Variants in SAMD5 observed in about 807,000 individuals in gnomAD.
The protein encoded by SAMD5 is sterile alpha motif domain-containing protein 5.
SAMD5 carries 13 observed loss-of-function variants against 11.3 expected under a neutral mutation model. That is an observed-to-expected ratio of 1.15 (90% confidence interval 0.75 to 1.83). The LOEUF (loss-of-function observed/expected upper bound fraction) is 1.83. SAMD5 is among the 40% of genes most tolerant of loss of function. The pLI is 0.00. For missense variants in SAMD5, 255 were observed against 239.1 expected (o/e 1.07, Z -0.44); for synonymous variants, 129 against 111.3 (o/e 1.16, Z -1.00).
intron 1 of SAMD5, among the ~76,000 whole-genome samples, chr6:147,716,058 G>A (rs147447547): frequency 0.013 from 2,038 of 152,238 alleles, 26 homozygotes; most frequent in Middle Eastern, 0.037. Flanking sequence ...TTGAAGCAGA[G>A]CTTCATCAAG....
the SAMD5 span, among the ~76,000 whole-genome samples, chr6:147,848,983 T>C: frequency 4.6e-5 from 7 of 152,152 alleles, no homozygotes; most frequent in Admixed American, 3.3e-4. Flanking sequence ...GGAAATACTT[T>C]AGGCTTTGCA....
At chr6:147,907,442 G>A in the SAMD5 span, among the ~76,000 whole-genome samples, 1 of 115,366 alleles carries the variant, frequency 8.7e-6, no homozygotes, top group Non-Finnish European at 1.8e-5. Flanking sequence ...TTGCAGTTTT[G>A]CCATTACTTA....
chr6:147,675,829 A>G (rs1228705618), intron 1 of SAMD5, among the ~76,000 whole-genome samples: 1 of 152,208 alleles, frequency 6.6e-6, no homozygotes, highest in Admixed American at 6.5e-5. Flanking sequence ...AGCTGCAGCA[A>G]ATCACTGAAG....
chr6:147,825,942 T>C, the SAMD5 span, among the ~76,000 whole-genome samples: 1 of 152,238 alleles, frequency 6.6e-6, no homozygotes, highest in African/African-American at 2.4e-5. Flanking sequence ...TAATCCCACC[T>C]GTGTTTCCTG....
the SAMD5 span, among the ~76,000 whole-genome samples, chr6:147,745,567 T>C: frequency 6.6e-6 from 1 of 152,136 alleles, no homozygotes; most frequent in Non-Finnish European, 1.5e-5. Context: ...ATCAGACAAA[T>C]CTGCTCCTGA....
chr6:147,673,223 T>A (rs1456344091), intron 1 of SAMD5, among the ~76,000 whole-genome samples: 1 of 152,184 alleles, frequency 6.6e-6, no homozygotes, highest in Non-Finnish European at 1.5e-5. Flanking sequence ...AACCATTTTT[T>A]TTTTTTTTGA....
the SAMD5 span, among the ~76,000 whole-genome samples, chr6:147,934,013 C>A: frequency 6.6e-6 from 1 of 152,158 alleles, no homozygotes; most frequent in African/African-American, 2.4e-5. Flanking sequence ...TAATATAAGC[C>A]TCTAATTTAC....
At chr6:147,929,743 T>C in the SAMD5 span, among the ~76,000 whole-genome samples, 2 of 152,192 alleles carry the variant, frequency 1.3e-5, no homozygotes, top group Non-Finnish European at 2.9e-5. Context: ...TGATGGGATT[T>C]TCTGAATTGG....
chr6:147,708,729 C>T (rs1791358211), intron 1 of SAMD5, among the ~76,000 whole-genome samples: 1 of 152,064 alleles, frequency 6.6e-6, no homozygotes, highest in Non-Finnish European at 1.5e-5. Context: ...CGACTGTATC[C>T]AATTGTGTTT....
the SAMD5 span, among the ~76,000 whole-genome samples, chr6:147,897,943 TAAAAAAAAAAAAAAAAAAA>T: frequency 3.3e-5 from 3 of 89,604 alleles, no homozygotes; most frequent in South Asian, 4.0e-4. Flanking sequence ...AGATTTTTCT[TAAAAAAAAAAAAAAAAAAA>T]AAAAAAAAAA....
chr6:147,524,419 G>A (rs1279499408), intron 1 of SAMD5, among the ~76,000 whole-genome samples: 8 of 148,522 alleles, frequency 5.4e-5, no homozygotes, highest in Non-Finnish European at 1.0e-4. Flanking sequence ...TTTTGTTTTT[G>A]TTGTTTTTTT....
chr6:147,678,770 A>G (rs1233336206), intron 1 of SAMD5, among the ~76,000 whole-genome samples: 2 of 152,174 alleles, frequency 1.3e-5, no homozygotes, highest in Non-Finnish European at 2.9e-5. Context: ...TGTTCTTGGC[A>G]TAAGTGAGCT....
Position 147,725,522 on chromosome 6 carries a change from G to A in SAMD5, c.163-11795G>A, listed in dbSNP as rs535137216. Among the ~76,000 whole-genome samples, 5 of 152,016 alleles carry A rather than the reference G, an allele frequency of 3.3e-5. No individual in the cohort carries two copies. In the East Asian group the frequency reaches 9.7e-4, roughly 29 times the overall value. On this transcript the variant is annotated intron_variant, in intron 1 of 1. Transcript: ENST00000566741. ...TTCTGCCTCAGCCTCCCAAGTAGCT[G>A]GGATTACAGGTGCCCACCACCATGC...
the SAMD5 span, among the ~76,000 whole-genome samples, chr6:147,763,506 C>A: frequency 6.6e-6 from 1 of 150,748 alleles, no homozygotes; most frequent in Non-Finnish European, 1.5e-5. Context: ...ATGCTCTATT[C>A]ATATTTCCTT....
the SAMD5 span, among the ~76,000 whole-genome samples, chr6:147,905,461 A>G: frequency 3.3e-5 from 5 of 152,162 alleles, no homozygotes; most frequent in African/African-American, 1.2e-4. Flanking sequence ...GATTACAGGC[A>G]TGAGCTGCTG....
At chr6:147,864,156 C>T in the SAMD5 span, among the ~76,000 whole-genome samples, 1 of 152,020 alleles carries the variant, frequency 6.6e-6, no homozygotes, top group Non-Finnish European at 1.5e-5. Context: ...AGGTTTGCCA[C>T]CAAACAGCAT....
chr6:147,601,551 G>T (rs1252004248), intron 1 of SAMD5, among the ~76,000 whole-genome samples: 1 of 152,040 alleles, frequency 6.6e-6, no homozygotes, highest in Non-Finnish European at 1.5e-5. Flanking sequence ...TGTCCTGAGC[G>T]CACACTTTGA....
At chr6:147,893,374 C>T in the SAMD5 span, among the ~76,000 whole-genome samples, 1,240 of 152,164 alleles carry the variant, frequency 8.1e-3, 19 homozygotes, top group African/African-American at 0.028. Flanking sequence ...GAATTTGAAG[C>T]CAGAATCTGA....
chr6:147,570,047 C>G, downstream of SAMD5: 1 of 978,294 alleles, frequency 1.0e-6, no homozygotes, highest in Non-Finnish European at 1.2e-6. Flanking sequence ...CTTTTGTAAT[C>G]TTCCACATCT....
Sources: allele counts gnomAD v4.1 joint callset (sites outside exome capture counted in the v4.1 genomes callset), GRCh38; gene constraint gnomAD v4.1.1; transcripts MANE v1.5; gene names NCBI Gene and HGNC (gene_info 2026-07-23, HGNC 2026-07-21).